Variants in PLXNA4 observed in about 807,000 individuals in gnomAD.
The protein encoded by PLXNA4 is plexin-A4.
A neutral mutation model predicts 191.8 loss-of-function variants in PLXNA4; 44 were observed. That is an observed-to-expected ratio of 0.23 (90% CI 0.18 to 0.29). The LOEUF (loss-of-function observed/expected upper bound fraction) is 0.29. PLXNA4 is among the 10% of genes least tolerant of loss of function. The probability of loss-of-function intolerance (pLI) is 1.00; values close to 1 mark genes in which losing one functional copy is unlikely to be tolerated. For missense variants in PLXNA4, 1,800 were observed against 2,488.8 expected (o/e 0.72, Z 5.89); for synonymous variants, 1,082 against 1,009.5 (o/e 1.07, Z -1.36).
intron 3 of PLXNA4, among the ~76,000 whole-genome samples, chr7:132,361,371 T>G (rs1230956343): frequency 6.6e-6 from 1 of 152,122 alleles, no homozygotes. Context: ...CAGAAAATGA[T>G]GCGTTGATTG....
intron 3 of PLXNA4, among the ~76,000 whole-genome samples, chr7:132,328,779 G>A (rs1485559427): frequency 6.6e-6 from 1 of 152,192 alleles, no homozygotes; most frequent in African/African-American, 2.4e-5. Flanking sequence ...AGTCCCCAGT[G>A]CTCTACTGAT....
At position 132,489,199 on chromosome 7, in the gene PLXNA4, C is replaced by T. The variant is rs145333585; in HGVS notation, c.1371+93G>A. On this transcript the variant is annotated intron_variant, in intron 3 of 31. Coordinates refer to ENST00000321063, the MANE Select transcript of PLXNA4 (RefSeq NM_020911.2). ...CTCAAATCTGTATCACCTGCCCACACGCCCAAGTTAGCAAAAAGATGTAAG... is the reference window on the plus strand; with the variant it reads ...CTCAAATCTGTATCACCTGCCCACATGCCCAAGTTAGCAAAAAGATGTAAG... 1,306 of 1,357,110 alleles carry T rather than the reference C, an allele frequency of 9.6e-4. 16 individuals carry two copies. The African/African-American group carries it at 0.017, about 17-fold the overall frequency. The allele number at this position is 1,357,110 out of a possible 1,614,324, so 84.1% of individuals were successfully genotyped here.
intron 3 of PLXNA4, among the ~76,000 whole-genome samples, chr7:132,385,743 T>TGGATGCACACAC (rs1486717463): frequency 6.6e-6 from 1 of 152,194 alleles, no homozygotes; most frequent in Non-Finnish European, 1.5e-5. Context: ...CATGCACACA[T>TGGATGCACACAC]GGATGCACAC....
chr7:132,625,508 CCT>C (rs1192411860), intron 2 of PLXNA4, among the ~76,000 whole-genome samples: 1 of 152,154 alleles, frequency 6.6e-6, no homozygotes, highest in Non-Finnish European at 1.5e-5. Flanking sequence ...GAGCATTGAT[CCT>C]CTGTCACATC....
chr7:132,173,291 G>A (rs1562897113), intron 21 of PLXNA4, among the ~76,000 whole-genome samples: 2 of 152,188 alleles, frequency 1.3e-5, no homozygotes, highest in Admixed American at 1.3e-4. Flanking sequence ...CAAAGACCAG[G>A]AGCAAGATCA....
chr7:132,251,011 G>A (rs537998846), intron 4 of PLXNA4, among the ~76,000 whole-genome samples: 1 of 150,676 alleles, frequency 6.6e-6, no homozygotes, highest in Admixed American at 6.6e-5. Flanking sequence ...GTGGGAAGGG[G>A]CTGTTGTCCT....
intron 19 of PLXNA4, among the ~76,000 whole-genome samples, chr7:132,180,262 C>T (rs1020060237): frequency 1.8e-4 from 27 of 152,168 alleles, no homozygotes; most frequent in African/African-American, 5.3e-4. Flanking sequence ...AACTGAAGCA[C>T]AGAACATGAT....
At chr7:132,144,683 A>G (rs1002671699) in intron 29 of PLXNA4, among the ~76,000 whole-genome samples, 1 of 152,190 alleles carries the variant, frequency 6.6e-6, no homozygotes, top group Non-Finnish European at 1.5e-5. Context: ...CATTTGTCCC[A>G]CACCAGCAGA....
intron 30 of PLXNA4, among the ~76,000 whole-genome samples, chr7:132,140,125 G>T (rs1018860053): frequency 1.3e-5 from 2 of 152,250 alleles, no homozygotes; most frequent in Non-Finnish European, 2.9e-5. Flanking sequence ...GGGAGAGTGA[G>T]AAACTGTTCA....
intron 25 of PLXNA4, among the ~76,000 whole-genome samples, chr7:132,150,609 G>A (rs1026873726): frequency 6.6e-6 from 1 of 152,224 alleles, no homozygotes; most frequent in Non-Finnish European, 1.5e-5. Context: ...TAAGTCCTCT[G>A]GCTGGGCCCA....
rs200921602 is a variant in PLXNA4 at position 132,573,637 on chromosome 7, C to T, written c.-87+2785G>A. ...GTCTGCAGGGAGTAGCAGCAGCAGG[C>T]GACAGGAAGGCACAGAGAAGGAGAA... On this transcript the variant is annotated intron_variant, in intron 1 of 31. Transcript: ENST00000321063. Among the ~76,000 whole-genome samples the T allele has an allele frequency of 2.5e-4, 25 of 99,278 alleles. No individual in the cohort carries two copies. The South Asian group carries it at 0.012, about 48-fold the overall frequency. The allele number at this position is 99,278 out of a possible 152,430, so 65.1% of individuals were successfully genotyped here. A position where few individuals can be genotyped will look rare whatever the true frequency, so the allele number is the denominator to read the frequency against.
chr7:132,295,001 G>T (rs1385869880), intron 4 of PLXNA4, among the ~76,000 whole-genome samples: 1 of 152,204 alleles, frequency 6.6e-6, no homozygotes, highest in East Asian at 1.9e-4. Context: ...AAGCTCCCCA[G>T]TCTGTGCTAT....
chr7:132,416,607 T>C (rs1477311306), intron 3 of PLXNA4, among the ~76,000 whole-genome samples: 1 of 152,238 alleles, frequency 6.6e-6, no homozygotes, highest in Non-Finnish European at 1.5e-5. Flanking sequence ...TTATGACTCC[T>C]GACAGGTAAA....
At chr7:132,425,712 G>A (rs1430149521) in intron 3 of PLXNA4, among the ~76,000 whole-genome samples, 1 of 152,232 alleles carries the variant, frequency 6.6e-6, no homozygotes, top group Non-Finnish European at 1.5e-5. Context: ...AAGGACAGGG[G>A]AAACAGAGAA....
At chr7:132,438,232 A>G (rs1338127412) in intron 3 of PLXNA4, among the ~76,000 whole-genome samples, 1 of 152,208 alleles carries the variant, frequency 6.6e-6, no homozygotes, top group Non-Finnish European at 1.5e-5. Context: ...AGAGTATATG[A>G]CCACTTAGAG....
At chr7:132,158,131 A>C (rs750579247) in intron 25 of PLXNA4, among the ~76,000 whole-genome samples, 2 of 152,242 alleles carry the variant, frequency 1.3e-5, no homozygotes, top group African/African-American at 4.8e-5. Flanking sequence ...CTCAGAGCAC[A>C]GGGCCAAACA....
intron 1 of PLXNA4, among the ~76,000 whole-genome samples, chr7:132,545,658 C>CA (rs1265990036): frequency 6.6e-6 from 1 of 150,886 alleles, no homozygotes; most frequent in Non-Finnish European, 1.5e-5. Flanking sequence ...CAGAAGAAAG[C>CA]AAAACAGTGA....
intron 14 of PLXNA4, among the ~76,000 whole-genome samples, chr7:132,188,959 G>GAAAGA (rs1796970055): frequency 2.2e-5 from 1 of 46,382 alleles, no homozygotes; most frequent in Non-Finnish European, 6.1e-5. Context: ...GAGAGGAAAG[G>GAAAGA]AAAGGAAAGG....
At chr7:132,226,111 A>G in intron 8 of PLXNA4, 50 bp downstream of exon 8, 2 of 1,532,962 alleles carry the variant, frequency 1.3e-6, no homozygotes, top group Non-Finnish European at 1.8e-6. Context: ...TGATCTTTGG[A>G]TGAAACTTGA....
Sources: gnomAD v4.1 joint callset for allele counts (sites outside exome capture counted in the v4.1 genomes callset) on GRCh38, gnomAD v4.1.1 for gene constraint, MANE v1.5 for transcripts, NCBI Gene and HGNC (gene_info 2026-07-23, HGNC 2026-07-21) for gene names.